The following CHST10 variants were observed in gnomAD, a reference collection of about 807,000 sequenced individuals.
The protein encoded by CHST10 is carbohydrate sulfotransferase 10, also known as HNK-1 sulfotransferase.
In CHST10, 24 loss-of-function variants were observed where a neutral mutation model predicts 34.7. The observed-to-expected ratio is 0.69, with a 90% CI of 0.50 to 0.97. The LOEUF is 0.97. CHST10 is among the 50% of genes least tolerant of loss of function. CHST10 has a pLI of 0.00. For synonymous variants in CHST10, 161 were observed against 169.3 expected (o/e 0.95, Z 0.38); for missense variants, 402 against 452.1 (o/e 0.89, Z 1.00).
chr2:100,396,517 T>C (rs1558634512), intron 5 of CHST10, among the ~76,000 whole-genome samples: 1 of 152,210 alleles, frequency 6.6e-6, no homozygotes, highest in South Asian at 2.1e-4. Context: ...CCCTGGGCCA[T>C]CTGACCAGTG....
At chr2:100,415,255 AG>A (rs1676019513) in intron 1 of CHST10, 144 bp from the exon 2 acceptor site, 1 of 336,442 alleles carries the variant, frequency 3.0e-6, no homozygotes, top group African/African-American at 2.2e-5. Flanking sequence ...TCTCTTACAA[AG>A]GCAGGTTATA....
chr2:100,415,303 C>CA (rs140908155), intron 1 of CHST10, among the ~76,000 whole-genome samples, 192 bp from the exon 2 acceptor site: 2,714 of 152,124 alleles, frequency 0.018, 82 homozygotes, highest in African/African-American at 0.063. Flanking sequence ...CTAAATGTAC[C>CA]AAAACCACTA....
chr2:100,413,462 G>A (rs1408893523), intron 2 of CHST10, among the ~76,000 whole-genome samples: 2 of 152,178 alleles, frequency 1.3e-5, no homozygotes, highest in Admixed American at 6.5e-5. Context: ...CAACCCACAA[G>A]GATGAACTGG....
intron 3 of CHST10, among the ~76,000 whole-genome samples, chr2:100,403,902 A>C (rs932152292): frequency 8.5e-5 from 13 of 152,180 alleles, no homozygotes; most frequent in Admixed American, 3.3e-4. Flanking sequence ...AGGCTCCGGG[A>C]CACACTCTCT....
chr2:100,402,016 C>T (rs907781440), intron 4 of CHST10, among the ~76,000 whole-genome samples: 1 of 152,160 alleles, frequency 6.6e-6, no homozygotes, highest in African/African-American at 2.4e-5. Flanking sequence ...TTTAGGTGCA[C>T]AAGAAGCCTG....
chr2:100,399,777 C>T (rs1195203649), intron 4 of CHST10, among the ~76,000 whole-genome samples: 1 of 152,172 alleles, frequency 6.6e-6, no homozygotes, highest in Non-Finnish European at 1.5e-5. Flanking sequence ...AGTGAATTTC[C>T]TGGGATTCCC....
chr2:100,406,733 T>G (rs1675596564), intron 2 of CHST10, 26 bp from the exon 3 acceptor site: 1 of 1,607,330 alleles, frequency 6.2e-7, no homozygotes. Flanking sequence ...GAGATGCCCC[T>G]GCTGCTTACA....
chr2:100,398,969 C>T (rs1280959791), intron 4 of CHST10, among the ~76,000 whole-genome samples: 1 of 152,148 alleles, frequency 6.6e-6, no homozygotes, highest in African/African-American at 2.4e-5. Context: ...CTCACACCTC[C>T]TTGTTCTCTG....
chr2:100,415,117 TA>T lies in CHST10; in HGVS notation c.-103-7del. 7.8e-7 allele frequency: 1 copy of T among 1,279,804 alleles called. No homozygotes were observed. Among genetic ancestry groups the T allele is most frequent in the Non-Finnish European group, 1.0e-6 (1 of 978,066 alleles). 79.3% of individuals were successfully genotyped at this position (1,279,804 alleles called of 1,614,324 possible). On this transcript the variant is annotated splice_region_variant and splice_polypyrimidine_tract_variant and intron_variant, in intron 1 of 6. Transcript: ENST00000264249. ...GTTCTTGGTTCCTCTTGTCACTGGA[TA>T]GGAAAATTAAAAAAAAAAAAGCATT...
intron 4 of CHST10, among the ~76,000 whole-genome samples, chr2:100,400,536 A>G (rs1470323045): frequency 1.3e-5 from 2 of 151,992 alleles, no homozygotes; most frequent in Admixed American, 6.5e-5. Flanking sequence ...CACCATGCCC[A>G]GCTAAAGAAA....
rs539111733 is a variant in CHST10, at chr2:100,403,336, A to G, written c.101-681T>C. On this transcript the variant is annotated intron_variant, in intron 3 of 6. Coordinates refer to ENST00000264249, the MANE Select transcript of CHST10 (RefSeq NM_004854.5). ...GCATCATTTTGAGTCTTGCCATATG[A>G]TTCCATCACATTCCCTTCGCTGAGG... is the stretch of plus-strand genomic sequence containing the variant. Among the ~76,000 whole-genome samples, 8 of 152,290 alleles carry G rather than the reference A, an allele frequency of 5.3e-5. No individual in the cohort carries two copies. In the South Asian group the frequency reaches 1.5e-3, roughly 28 times the overall value.
chr2:100,408,409 C>G (rs1199936009), intron 2 of CHST10: 1 of 152,168 alleles, frequency 6.6e-6, no homozygotes, highest in Non-Finnish European at 1.5e-5. Flanking sequence ...CCCATTAGCT[C>G]TGTGACTCCA....
At chr2:100,401,474 G>C (rs1675339639) in intron 4 of CHST10, among the ~76,000 whole-genome samples, 1 of 151,990 alleles carries the variant, frequency 6.6e-6, no homozygotes, top group African/African-American at 2.4e-5. Context: ...TTCCTCACAG[G>C]GTATGGCATC....
intron 4 of CHST10, among the ~76,000 whole-genome samples, chr2:100,400,514 A>G (rs1675291161): frequency 6.6e-6 from 1 of 152,254 alleles, no homozygotes; most frequent in Non-Finnish European, 1.5e-5. Flanking sequence ...TGCTGGGATT[A>G]TAGGCGTAAG....
chr2:100,412,100 T>C (rs902735075), intron 2 of CHST10, among the ~76,000 whole-genome samples: 1 of 152,174 alleles, frequency 6.6e-6, no homozygotes, highest in African/African-American at 2.4e-5. Flanking sequence ...CTGATTTAAA[T>C]TTTGAAACAG....
intron 2 of CHST10, chr2:100,408,263 G>GC (rs1377459668): frequency 6.6e-6 from 1 of 151,728 alleles, no homozygotes; most frequent in African/African-American, 2.4e-5. Context: ...CACCCAGCAG[G>GC]GGCATGCCAA....
chr2:100,403,548 C>T (rs919541456), intron 3 of CHST10, among the ~76,000 whole-genome samples: 2 of 152,142 alleles, frequency 1.3e-5, no homozygotes, highest in African/African-American at 4.8e-5. Context: ...GACAACCATG[C>T]TCTTCCTAGG....
chr2:100,397,767 A>C, intron 5 of CHST10, 141 bp downstream of exon 5: 1 of 656,134 alleles, frequency 1.5e-6, no homozygotes, highest in Non-Finnish European at 2.7e-6. Flanking sequence ...GGAAACAACA[A>C]AAACAGGCCT....
At chr2:100,414,362 TCA>T (rs370903480) in intron 2 of CHST10, among the ~76,000 whole-genome samples, 4 of 150,226 alleles carry the variant, frequency 2.7e-5, no homozygotes, top group East Asian at 2.0e-4. Context: ...AAAGGAAACT[TCA>T]CACACACACA....
Sources: allele counts gnomAD v4.1 joint callset (sites outside exome capture counted in the v4.1 genomes callset), GRCh38; gene constraint gnomAD v4.1.1; transcripts MANE v1.5; gene names NCBI Gene and HGNC (gene_info 2026-07-23, HGNC 2026-07-21).